SLMAP: variants seen among roughly 807,000 people sequenced by gnomAD.
The protein encoded by SLMAP is sarcolemma associated protein, also known as sarcolemmal membrane-associated protein.
In SLMAP, 44 loss-of-function variants were observed where a neutral mutation model predicts 128.8. The ratio of observed to expected loss-of-function variants is 0.34; its 90% CI spans 0.27 to 0.44. The LOEUF (loss-of-function observed/expected upper bound fraction) is 0.44, where lower values mean the gene tolerates loss of function less well. Among genes scored for constraint, SLMAP ranks in the 20% least tolerant of loss-of-function variants. The pLI is 1.00. For synonymous variants in SLMAP, 327 were observed against 348.8 expected (o/e 0.94, Z 0.70); for missense variants, 787 against 985.3 (o/e 0.80, Z 2.69).
At chr3:57,796,215 T>C (rs939758890) in intron 2 of SLMAP, among the ~76,000 whole-genome samples, 1 of 152,230 alleles carries the variant, frequency 6.6e-6, no homozygotes, top group East Asian at 1.9e-4. Flanking sequence ...AGTGTTCTGC[T>C]CTTTTTTGTT....
intron 14 of SLMAP, among the ~76,000 whole-genome samples, chr3:57,877,050 T>A (rs2095620580): frequency 6.6e-6 from 1 of 152,132 alleles, no homozygotes; most frequent in Admixed American, 6.6e-5. Flanking sequence ...TTTTTTTTTT[T>A]AACACCTGAG....
intron 23 of SLMAP, among the ~76,000 whole-genome samples, chr3:57,925,333 T>G (rs1363969198): frequency 3.8e-5 from 4 of 105,360 alleles, no homozygotes; most frequent in East Asian, 2.0e-3. Context: ...TGTTTCTTTC[T>G]CTTTTTTTTT....
In SLMAP at chr3:57,881,647, A is replaced by G. The variant is rs1034407096; in HGVS notation, c.1301-8394A>G. 2.6e-5 allele frequency among the ~76,000 whole-genome samples: 4 copies of G among 151,946 alleles called. No homozygotes were observed. In the East Asian group the frequency reaches 7.7e-4, roughly 29 times the overall value. On this transcript the variant is annotated intron_variant, in intron 14 of 24. Transcript: ENST00000671191. The stretch of plus-strand genomic sequence containing the variant: ...TAATTTTTGTATTTTTAGTAGAGAC[A>G]GGGTTTCACAGTGTTGGCCAGGATG...
chr3:57,896,582 G>A lies in SLMAP; in HGVS notation c.1432G>A (p.Asp478Asn), dbSNP rs1016820088. The A allele has an allele frequency of 3.7e-6, 6 of 1,607,870 alleles. No individual in the cohort carries two copies. Among genetic ancestry groups the A allele is most frequent in the South Asian group, 2.2e-5 (2 of 90,020 alleles). Residue 478 changes from aspartate (D) to asparagine (N), a missense_variant, in exon 16 of 25, where the codon GAC becomes AAC. By Grantham distance (23) the Asp-to-Asn change is conservative. Around this residue, in one of 2 missense-constraint regions of SLMAP, gnomAD observed 715 missense variants for 843.6 expected, o/e 0.85. Coordinates refer to ENST00000671191, the MANE Select transcript of SLMAP (RefSeq NM_001377540.1). ...TCCAAGCAAGGAAAAAAGCAGTGACGACACTACAGGTGAGTTTTAACCTAA... is the reference window on the plus strand; with the variant it reads ...TCCAAGCAAGGAAAAAAGCAGTGACAACACTACAGGTGAGTTTTAACCTAA... Reference protein sequence around the residue: ...LSPSKEKSSDDTTDAQMDEQD... With the variant: ...LSPSKEKSSDNTTDAQMDEQD...
At chr3:57,877,521 TAATAGGAAAACTC>T (rs2095630547) in intron 14 of SLMAP, among the ~76,000 whole-genome samples, 1 of 152,232 alleles carries the variant, frequency 6.6e-6, no homozygotes, top group Non-Finnish European at 1.5e-5. Context: ...TATGTCCCTG[TAATAGGAAAACTC>T]TGAGTGTCAG....
chr3:57,828,608 G>T (rs2093095273), intron 2 of SLMAP, among the ~76,000 whole-genome samples: 1 of 152,130 alleles, frequency 6.6e-6, no homozygotes, highest in African/African-American at 2.4e-5. Flanking sequence ...AAGGACTTCG[G>T]ATTTTATTCT....
intron 2 of SLMAP, among the ~76,000 whole-genome samples, chr3:57,763,982 A>G (rs530741861): frequency 1.3e-5 from 2 of 152,210 alleles, no homozygotes; most frequent in Admixed American, 6.5e-5. Context: ...ATTCTGTGTG[A>G]TGTTCTTGTT....
At position 57,929,122 on chromosome 3, in the gene SLMAP, AAC is replaced by A. The variant is rs1393480115; in HGVS notation, c.*1838_*1839del. On this transcript the variant is annotated 3_prime_UTR_variant, in exon 25 of 25. Coordinates refer to ENST00000671191, the MANE Select transcript of SLMAP (RefSeq NM_001377540.1). ...GAGTACAGATTAAACTATTTGCACT[AAC>A]ACACGTGACGTGCATGATTTAATAA... 2 of 152,620 alleles carry A rather than the reference AAC, an allele frequency of 1.3e-5. No homozygotes were observed. The highest frequency in any genetic ancestry group is 4.8e-5 in the African/African-American group (2 of 41,454). The allele number at this position is 152,620 out of a possible 1,614,324, so 9.5% of individuals were successfully genotyped here. A position where few individuals can be genotyped will look rare whatever the true frequency, so the allele number is the denominator to read the frequency against.
At chr3:57,776,006 T>A (rs904134264) in intron 2 of SLMAP, among the ~76,000 whole-genome samples, 2 of 152,218 alleles carry the variant, frequency 1.3e-5, no homozygotes, top group African/African-American at 4.8e-5. Flanking sequence ...GCCAATTTTT[T>A]AAATAATTTA....
chr3:57,860,030 G>A (rs949618984), intron 8 of SLMAP, among the ~76,000 whole-genome samples: 6 of 152,132 alleles, frequency 3.9e-5, no homozygotes, highest in Admixed American at 6.5e-5. Flanking sequence ...CATATTTGAT[G>A]TATTTAAATC....
chr3:57,838,048 G>A (rs1217275843), intron 3 of SLMAP, among the ~76,000 whole-genome samples: 1 of 152,156 alleles, frequency 6.6e-6, no homozygotes, highest in Non-Finnish European at 1.5e-5. Flanking sequence ...CAGCTCATTT[G>A]CTGAACTTTC....
chr3:57,916,543 T>C (rs2096816255), intron 21 of SLMAP, among the ~76,000 whole-genome samples: 1 of 152,208 alleles, frequency 6.6e-6, no homozygotes, highest in African/African-American at 2.4e-5. Flanking sequence ...GTCAAGTATT[T>C]AAACTTAAAA....
intron 2 of SLMAP, among the ~76,000 whole-genome samples, chr3:57,796,697 G>T (rs1358635110): frequency 6.6e-6 from 1 of 152,136 alleles, no homozygotes. Flanking sequence ...GTGTATAACA[G>T]TTTCATCACA....
chr3:57,837,176 A>G (rs528973937), intron 3 of SLMAP, among the ~76,000 whole-genome samples: 29 of 152,266 alleles, frequency 1.9e-4, no homozygotes, highest in South Asian at 4.2e-4. Context: ...GGGCTGGACA[A>G]GGTGCCCACT....
chr3:57,836,702 G>A (rs1417858953), intron 3 of SLMAP, among the ~76,000 whole-genome samples: 1 of 152,118 alleles, frequency 6.6e-6, no homozygotes, highest in Non-Finnish European at 1.5e-5. Context: ...TCAATGGTCA[G>A]GCATGTACAC....
intron 13 of SLMAP, among the ~76,000 whole-genome samples, chr3:57,869,653 T>TATATATATATATATA (rs1560338113): frequency 7.4e-6 from 1 of 135,188 alleles, no homozygotes; most frequent in African/African-American, 2.7e-5. Flanking sequence ...TATATATATA[T>TATATATATATATATA]ATATATAATA....
intron 2 of SLMAP, among the ~76,000 whole-genome samples, chr3:57,775,509 CAAAAAAAAAA>C (rs1009755128): frequency 2.8e-3 from 59 of 21,198 alleles, no homozygotes; most frequent in African/African-American, 5.1e-3. Flanking sequence ...CCTGTTGGTA[CAAAAAAAAAA>C]AAAAAAAAAA....
At chr3:57,909,748 G>A (rs1189573330) in intron 19 of SLMAP, among the ~76,000 whole-genome samples, 2 of 151,784 alleles carry the variant, frequency 1.3e-5, no homozygotes, top group Non-Finnish European at 2.9e-5. Flanking sequence ...GAGTAGCTGG[G>A]ATTACAGGCA....
intron 22 of SLMAP, 23 bp from the exon 23 acceptor site, chr3:57,922,866 A>ACTTTTTTTTTCT: frequency 6.2e-7 from 1 of 1,600,298 alleles, no homozygotes. Context: ...GTATCTGCAC[A>ACTTTTTTTTTCT]CTTTTTTTTT....
Sources: allele counts gnomAD v4.1 joint callset (sites outside exome capture counted in the v4.1 genomes callset), GRCh38; gene constraint gnomAD v4.1.1; regional missense constraint gnomAD v4.1.1; transcripts MANE v1.5; gene names NCBI Gene and HGNC (gene_info 2026-07-23, HGNC 2026-07-21).